The following HHIPL2 variants were observed in gnomAD, a reference collection of about 807,000 sequenced individuals.
HHIPL2 encodes HHIP-like protein 2.
A neutral mutation model predicts 61.0 loss-of-function variants in HHIPL2; 61 were observed. That is an observed-to-expected ratio of 1.00 (90% confidence interval 0.81 to 1.24). The LOEUF (loss-of-function observed/expected upper bound fraction) is 1.24. Ranked by LOEUF, HHIPL2 falls within the 50% of genes most tolerant of loss-of-function variation. The pLI, the probability that HHIPL2 is intolerant of heterozygous loss-of-function variation, is 0.00. For synonymous variants in HHIPL2, 343 were observed against 357.4 expected (o/e 0.96, Z 0.45); for missense variants, 885 against 910.2 (o/e 0.97, Z 0.36).
chr1:222,528,688 C>T (rs1659121808), intron 6 of HHIPL2, among the ~76,000 whole-genome samples: 1 of 152,138 alleles, frequency 6.6e-6, no homozygotes, highest in African/African-American at 2.4e-5. Flanking sequence ...TGTGCCATTA[C>T]ACTGAATTAA....
At chr1:222,526,943 G>C in intron 7 of HHIPL2, 26 bp downstream of exon 7, 1 of 1,577,914 alleles carries the variant, frequency 6.3e-7, no homozygotes, top group Non-Finnish European at 8.7e-7. Flanking sequence ...AAATGCATTT[G>C]AGAAGAAAAT....
In HHIPL2 at chr1:222,522,578, TGTCGGCCACCTTGACCAATAG is replaced by T. The variant is rs776966904; in HGVS notation, c.*2_*22del. The T allele has an allele frequency of 6.2e-7, 1 of 1,604,562 alleles. No homozygotes were observed. The highest frequency in any genetic ancestry group is 8.5e-7 in the Non-Finnish European group (1 of 1,177,436). ...GTGGCTCTCCTCTCTCACGTCACCC[TGTCGGCCACCTTGACCAATAG>T]GTCAAGGGAGACTTCTGCCAGCTCG... On this transcript the variant is annotated 3_prime_UTR_variant, in exon 9 of 9. Transcript: ENST00000343410.
At position 222,543,593 on chromosome 1, in the gene HHIPL2, A is replaced by T. The variant is rs750566719; in HGVS notation, c.918T>A (p.Ile306=). ...LDKKKVEKIR[I]SEMKVSRADP... is the part of the protein sequence containing the mutation. The stretch of plus-strand genomic sequence containing the variant: ...CAGCCCGAGAAACCTTCATCTCACT[A>T]ATTCGGATCTTTTCTACCTTCTTCT... The change falls in exon 2 of 9, where the codon ATT becomes ATA. Residue 306 remains isoleucine (I), a synonymous_variant. Transcript: ENST00000343410. The T allele has an allele frequency of 3.1e-6, 5 of 1,614,032 alleles. No individual in the cohort carries two copies. The African/African-American group carries it at 6.7e-5, about 22-fold the overall frequency.
At chr1:222,544,276 T>A in intron 1 of HHIPL2, 87 bp from the exon 2 acceptor site, 1 of 1,413,726 alleles carries the variant, frequency 7.1e-7, no homozygotes, top group Non-Finnish European at 9.5e-7. Context: ...AAAGAAAAAA[T>A]GGTGCTAGGC....
At chr1:222,544,702 G>A (rs1238382007) in intron 1 of HHIPL2, among the ~76,000 whole-genome samples, 4 of 152,008 alleles carry the variant, frequency 2.6e-5, no homozygotes, top group African/African-American at 9.7e-5. Flanking sequence ...CTACCAAGAT[G>A]TTATTTCTTT....
Position 222,543,781 on chromosome 1 carries a change from A to G in HHIPL2, c.730T>C (p.Tyr244His). 1 of 1,614,102 alleles carries G rather than the reference A, an allele frequency of 6.2e-7. No homozygotes were observed. The highest frequency in any genetic ancestry group is 8.5e-7 in the Non-Finnish European group (1 of 1,180,000). Residue 244 changes from tyrosine (Y) to histidine (H), a missense_variant, in exon 2 of 9, where the codon TAC (tyrosine) becomes CAC (histidine). Coordinates refer to ENST00000343410, the MANE Select transcript of HHIPL2 (RefSeq NM_024746.4). ...TCCAGGCGACTCCCATCAGGGAGGTAGACCCACACCACTCCTACCTGCTCG... is the reference window on the plus strand; with the variant it reads ...TCCAGGCGACTCCCATCAGGGAGGTGGACCCACACCACTCCTACCTGCTCG... Reference protein sequence around the residue: ...VAEQVGVVWVYLPDGSRLEQP... With the variant: ...VAEQVGVVWVHLPDGSRLEQP...
rs79364331 is a variant in HHIPL2, at chr1:222,538,392, T to A, written c.1577+256A>T. Reference sequence around the variant, plus strand: ...TGGATGGAAGCTGGGCCCCTGTCCCTTTAAAGTGAGCCCCTGGTATGAGAG... The same window carrying A: ...TGGATGGAAGCTGGGCCCCTGTCCCATTAAAGTGAGCCCCTGGTATGAGAG... On this transcript the variant is annotated intron_variant, in intron 5 of 8. Transcript: ENST00000343410. Among the ~76,000 whole-genome samples, 998 of 150,714 alleles carry A rather than the reference T, an allele frequency of 6.6e-3. 27 individuals are homozygous for A. The East Asian group carries it at 0.1, about 15-fold the overall frequency.
intron 6 of HHIPL2, among the ~76,000 whole-genome samples, chr1:222,527,800 T>G (rs988970981): frequency 6.6e-6 from 1 of 152,190 alleles, no homozygotes; most frequent in Non-Finnish European, 1.5e-5. Context: ...TGGTTTTATA[T>G]AGTTTTATAA....
chr1:222,528,303 A>G (rs1036608913), intron 6 of HHIPL2, among the ~76,000 whole-genome samples: 5 of 152,296 alleles, frequency 3.3e-5, no homozygotes, highest in Non-Finnish European at 5.9e-5. Context: ...TAGGTATTCA[A>G]TTAGAAAGTG....
Position 222,543,980 on chromosome 1 carries a change from C to T in HHIPL2, c.531G>A (p.Lys177=). The change falls in exon 2 of 9, where the codon AAG becomes AAA. Residue 177 remains lysine (K), a synonymous_variant. Coordinates refer to ENST00000343410, the MANE Select transcript of HHIPL2 (RefSeq NM_024746.4). ...TCAGGACATTAGGGAAGCAATAGTC[C>T]TTGTCAGGAAGGTCCAGGAGGTGGC... is the stretch of plus-strand genomic sequence containing the variant. ...RFCHLLDLPD[K]DYCFPNVLRN... is the part of the protein sequence containing the mutation. The T allele has an allele frequency of 6.2e-7, 1 of 1,614,180 alleles. No homozygotes were observed. The highest frequency in any genetic ancestry group is 8.5e-7 in the Non-Finnish European group (1 of 1,180,046).
chr1:222,536,371 T>C (rs758631058), intron 5 of HHIPL2, among the ~76,000 whole-genome samples: 2 of 152,118 alleles, frequency 1.3e-5, no homozygotes, highest in Non-Finnish European at 2.9e-5. Context: ...AACAACTGAA[T>C]GCCAAAACAT....
At chr1:222,539,455 G>C (rs752792538) in intron 4 of HHIPL2, among the ~76,000 whole-genome samples, 1 of 147,542 alleles carries the variant, frequency 6.8e-6, no homozygotes, top group Non-Finnish European at 1.5e-5. Flanking sequence ...ACTTGAACCC[G>C]GGAGTCGGAG....
intron 6 of HHIPL2, among the ~76,000 whole-genome samples, chr1:222,531,612 G>A (rs1182140469): frequency 3.3e-5 from 5 of 152,150 alleles, no homozygotes; most frequent in Admixed American, 6.5e-5. Context: ...GCTGGGCATG[G>A]TGGCGGGCGC....
intron 1 of HHIPL2, among the ~76,000 whole-genome samples, chr1:222,544,958 C>T (rs1219803298): frequency 6.6e-6 from 1 of 152,202 alleles, no homozygotes; most frequent in East Asian, 1.9e-4. Context: ...GGAACCTATA[C>T]ACATTTGAAT....
chr1:222,542,613 T>C (rs35692317), intron 2 of HHIPL2, among the ~76,000 whole-genome samples: 48,421 of 147,940 alleles, frequency 0.33, 8,267 homozygotes, highest in East Asian at 0.51. Flanking sequence ...TCACTGCAAC[T>C]TCTGCCTCCC....
intron 5 of HHIPL2, among the ~76,000 whole-genome samples, chr1:222,533,936 G>A (rs1442785947): frequency 6.6e-6 from 1 of 152,182 alleles, no homozygotes; most frequent in Non-Finnish European, 1.5e-5. Flanking sequence ...TTCCCCTGAA[G>A]TAATCATCAG....
Position 222,538,754 on chromosome 1 carries a change from C to A in HHIPL2, c.1471G>T (p.Ala491Ser). The A allele has an allele frequency of 6.2e-7, 1 of 1,614,128 alleles. No homozygotes were observed. Among genetic ancestry groups the A allele is most frequent in the Non-Finnish European group, 8.5e-7 (1 of 1,180,008 alleles). The part of the protein sequence containing the change: ...ASLDDVLPIY[A>S]YGHAVGKSVT... ...GACTTCCCCACTGCATGGCCATAAGCATAGATTGGCAGAACATCATCTGTC... is the reference window on the plus strand; with the variant it reads ...GACTTCCCCACTGCATGGCCATAAGAATAGATTGGCAGAACATCATCTGTC... The change falls in exon 5 of 9, where the codon GCT becomes TCT. Residue 491 changes from alanine (A) to serine (S), a missense_variant. Physicochemically the swap from Ala to Ser is moderately conservative, Grantham distance 99. Transcript: ENST00000343410.
Position 222,527,009 on chromosome 1 carries a change from C to T in HHIPL2, c.1765G>A (p.Ala589Thr). The T allele has an allele frequency of 2.5e-6, 4 of 1,613,688 alleles. No homozygotes were observed. Among genetic ancestry groups the T allele is most frequent in the Non-Finnish European group, 2.5e-6 (3 of 1,179,850 alleles). Residue 589 changes from alanine (A) to threonine (T), a missense_variant, in exon 7 of 9, where the codon GCA becomes ACA. Coordinates refer to ENST00000343410, the MANE Select transcript of HHIPL2 (RefSeq NM_024746.4). ...FLATSYPSAY[A>T]PRGSIYKFVD... is the part of the protein sequence containing the mutation. ...AACTTGTAAATAGATCCACGTGGTG[C>T]ATAGGCACTTGGGTAAGAGGTCGCC...
chr1:222,535,026 T>C (rs1355795639), intron 5 of HHIPL2, among the ~76,000 whole-genome samples: 2 of 152,110 alleles, frequency 1.3e-5, no homozygotes, highest in East Asian at 1.9e-4. Flanking sequence ...TAAGGCATAT[T>C]TTAATGAAAT....
Sources: allele counts gnomAD v4.1 joint callset (sites outside exome capture counted in the v4.1 genomes callset), GRCh38; gene constraint gnomAD v4.1.1; transcripts MANE v1.5; gene names NCBI Gene and HGNC (gene_info 2026-07-23, HGNC 2026-07-21).